Variants in CCDC141 observed in about 807,000 individuals in gnomAD.
The protein encoded by CCDC141 is coiled-coil domain-containing protein 141.
In CCDC141, 168 loss-of-function variants were observed where a neutral mutation model predicts 181.0. The ratio of observed to expected loss-of-function variants is 0.93; its 90% CI spans 0.82 to 1.05. CCDC141 has a LOEUF of 1.05. Ranked by LOEUF, CCDC141 falls within the 50% of genes least tolerant of loss-of-function variation. The pLI, the probability that CCDC141 is intolerant of heterozygous loss-of-function variation, is 0.00. For synonymous variants in CCDC141, 666 were observed against 642.3 expected, an observed-to-expected ratio of 1.04 and a Z score of -0.56; for missense variants, 1,902 against 1,788.5, an observed-to-expected ratio of 1.06 and a Z score of -1.14.
intron 11 of CCDC141, among the ~76,000 whole-genome samples, chr2:178,881,172 G>C (rs928483235): frequency 2.7e-5 from 4 of 150,872 alleles, no homozygotes; most frequent in Non-Finnish European, 5.9e-5. Flanking sequence ...CAAAGAAGTA[G>C]ACAGGATTAT....
At chr2:179,045,353 T>G (rs200607252) in intron 2 of CCDC141, among the ~76,000 whole-genome samples, 43 of 144,096 alleles carry the variant, frequency 3.0e-4, no homozygotes, top group East Asian at 1.5e-3. Context: ...CATCATTTTT[T>G]ATGGCTGCAT....
intron 4 of CCDC141, among the ~76,000 whole-genome samples, chr2:178,964,744 A>G (rs897640223): frequency 6.6e-6 from 1 of 152,186 alleles, no homozygotes; most frequent in African/African-American, 2.4e-5. Context: ...TTGATCTTAC[A>G]AAGTGATGTG....
chr2:178,850,039 A>G lies in CCDC141; in HGVS notation c.3357+10T>C, dbSNP rs879133437. The G allele has an allele frequency of 1.4e-6, 2 of 1,422,274 alleles. No homozygotes were observed. Among genetic ancestry groups the G allele is most frequent in the East Asian group, 4.6e-5 (2 of 43,732 alleles). 88.1% of individuals were successfully genotyped at this position (1,422,274 alleles called of 1,614,324 possible). A position where few individuals can be genotyped will look rare whatever the true frequency, so the allele number is the denominator to read the frequency against. ...GCTTGAAAATACATATTCTAGGAAG[A>G]AGAAATTACCTTCAGTTTTTCTTCG... On this transcript the variant is annotated intron_variant, in intron 21 of 23. Coordinates refer to ENST00000443758, the MANE Select transcript of CCDC141 (RefSeq NM_173648.4).
chr2:178,907,833 A>T (rs1245956909), intron 7 of CCDC141, among the ~76,000 whole-genome samples: 1 of 151,932 alleles, frequency 6.6e-6, no homozygotes, highest in Non-Finnish European at 1.5e-5. Context: ...GTCTCTACTA[A>T]AAATTAAAAA....
At chr2:178,965,379 A>C (rs1690579389) in intron 4 of CCDC141, among the ~76,000 whole-genome samples, 1 of 152,184 alleles carries the variant, frequency 6.6e-6, no homozygotes. Flanking sequence ...TCCTAGAGAG[A>C]TTGACACAGA....
At chr2:178,992,250 T>C (rs1215514281) in intron 2 of CCDC141, among the ~76,000 whole-genome samples, 1 of 151,832 alleles carries the variant, frequency 6.6e-6, no homozygotes, top group African/African-American at 2.4e-5. Flanking sequence ...TATCTTTCTG[T>C]ATATTTTCAA....
chr2:178,897,730 C>G (rs1295792306), intron 8 of CCDC141, among the ~76,000 whole-genome samples: 1 of 152,118 alleles, frequency 6.6e-6, no homozygotes, highest in Non-Finnish European at 1.5e-5. Flanking sequence ...CAATACTTCA[C>G]AAGGTAGCCT....
At chr2:178,853,225 G>A (rs566593248) in intron 20 of CCDC141, among the ~76,000 whole-genome samples, 1 of 152,252 alleles carries the variant, frequency 6.6e-6, no homozygotes, top group African/African-American at 2.4e-5. Flanking sequence ...ACACAAAGTA[G>A]GTAAAAATCT....
At chr2:178,987,212 TG>T (rs1691794554) in intron 2 of CCDC141, among the ~76,000 whole-genome samples, 1 of 148,358 alleles carries the variant, frequency 6.7e-6, no homozygotes. Flanking sequence ...AAACAAGCAA[TG>T]GGGAAAGGAT....
chr2:178,966,176 G>T (rs571857956), intron 4 of CCDC141, among the ~76,000 whole-genome samples: 1 of 152,334 alleles, frequency 6.6e-6, no homozygotes, highest in East Asian at 1.9e-4. Flanking sequence ...GGAAAGGGGC[G>T]CCTATGGGCG....
At chr2:178,984,572 T>A (rs916337739) in intron 2 of CCDC141, among the ~76,000 whole-genome samples, 2 of 149,520 alleles carry the variant, frequency 1.3e-5, no homozygotes, top group African/African-American at 4.9e-5. Flanking sequence ...AGGAAACCCA[T>A]CTCACGTGCA....
At chr2:179,015,091 T>TACATATATACATTATATATATAATC (rs1403968448) in intron 2 of CCDC141, among the ~76,000 whole-genome samples, 1 of 42,032 alleles carries the variant, frequency 2.4e-5, no homozygotes, top group African/African-American at 6.7e-5. Context: ...TATATATATA[T>TACATATATACATTATATATATAATC]ATATATATAT....
intron 2 of CCDC141, among the ~76,000 whole-genome samples, chr2:179,012,351 T>G (rs931861258): frequency 1.3e-5 from 2 of 151,990 alleles, no homozygotes; most frequent in Non-Finnish European, 2.9e-5. Flanking sequence ...AACACTTTCA[T>G]GCACATAGAA....
intron 2 of CCDC141, among the ~76,000 whole-genome samples, chr2:178,982,961 C>T (rs1289583980): frequency 6.6e-6 from 1 of 152,210 alleles, no homozygotes; most frequent in African/African-American, 2.4e-5. Flanking sequence ...ATGGAGCCCA[C>T]CACAGCTCAA....
chr2:178,866,744 T>A (rs192955053), intron 16 of CCDC141, among the ~76,000 whole-genome samples: 7 of 152,240 alleles, frequency 4.6e-5, no homozygotes, highest in Non-Finnish European at 1.0e-4. Flanking sequence ...TTTTTTGAGA[T>A]GGAGTCTTAT....
Position 178,865,874 on chromosome 2 carries a change from C to G in CCDC141, c.2617G>C (p.Glu873Gln), listed in dbSNP as rs753557649. ...VSAKNLQQQL[E>Q]LLEEDSMKWR... is the part of the protein sequence containing the mutation. The stretch of plus-strand genomic sequence containing the variant: ...TTCATGCTGTCCTCCTCAAGGAGCT[C>G]CAGCTGCTGCTGTAGGTTCTTTGCA... Residue 873 changes from glutamate to glutamine, a missense_variant, in exon 17 of 24, where the codon GAG becomes CAG. Physicochemically the swap from Glu to Gln is conservative, Grantham distance 29. Coordinates refer to ENST00000443758, the MANE Select transcript of CCDC141 (RefSeq NM_173648.4). 23 of 1,602,066 alleles carry G rather than the reference C, an allele frequency of 1.4e-5. No homozygotes were observed. The South Asian group carries it at 2.5e-4, about 17-fold the overall frequency.
Position 178,885,080 on chromosome 2 carries a change from C to G in CCDC141, c.1540G>C (p.Glu514Gln). The G allele has an allele frequency of 6.5e-7, 1 of 1,548,856 alleles. No homozygotes were observed. The highest frequency in any genetic ancestry group is 8.7e-7 in the Non-Finnish European group (1 of 1,145,966). ...ATGGTTTTTGCAGCTGCTTCTAATT[C>G]ATGTGATGTCTCCTGTAAAAGCAAA... The part of the protein sequence containing the change: ...LDIQAKETSH[E>Q]LEAAAKTMME... Residue 514 changes from glutamate (E) to glutamine (Q), a missense_variant, in exon 11 of 24, where the codon GAA becomes CAA. By Grantham distance (29) the Glu-to-Gln change is conservative. Transcript: ENST00000443758.
At chr2:178,961,536 C>T in intron 4 of CCDC141, 53 bp from the exon 5 acceptor site, 2 of 1,287,072 alleles carry the variant, frequency 1.6e-6, no homozygotes, top group East Asian at 2.5e-5. Flanking sequence ...AGCTTTTATA[C>T]AGCAATATTC....
rs543983653 is a variant in CCDC141 at position 178,937,408 on chromosome 2, T to A, written c.897+7127A>T. Among the ~76,000 whole-genome samples, 9 of 152,348 alleles carry A rather than the reference T, an allele frequency of 5.9e-5. No homozygotes were observed. The South Asian group carries it at 1.9e-3, about 32-fold the overall frequency. On this transcript the variant is annotated intron_variant, in intron 6 of 23. Transcript: ENST00000443758. Reference sequence around the variant, plus strand: ...TGAATCACATTTATTGATTTGCATATGTTGAACCAACCTTGTATCCCAGGG... The same window carrying A: ...TGAATCACATTTATTGATTTGCATAAGTTGAACCAACCTTGTATCCCAGGG...
Sources: allele counts gnomAD v4.1 joint callset (sites outside exome capture counted in the v4.1 genomes callset), GRCh38; gene constraint gnomAD v4.1.1; transcripts MANE v1.5; gene names NCBI Gene and HGNC (gene_info 2026-07-23, HGNC 2026-07-21).